The following NKAIN2 variants were observed in gnomAD, a reference collection of about 807,000 sequenced individuals.
NKAIN2 encodes the protein sodium/potassium transporting ATPase interacting 2, also known as sodium/potassium-transporting ATPase subunit beta-1-interacting protein 2.
In NKAIN2, 14 loss-of-function variants were observed where a neutral mutation model predicts 32.6. The observed-to-expected ratio is 0.43, with a 90% confidence interval of 0.28 to 0.67. The LOEUF (loss-of-function observed/expected upper bound fraction) is 0.67. Ranked by LOEUF, NKAIN2 falls within the 30% of genes least tolerant of loss-of-function variation. The pLI is 0.17. For missense variants in NKAIN2, 198 were observed against 258.3 expected (o/e 0.77, Z 1.60); for synonymous variants, 80 against 87.2 (o/e 0.92, Z 0.46).
intron 4 of NKAIN2, among the ~76,000 whole-genome samples, chr6:124,734,093 A>ACACACACACACACAC (rs1554258828): frequency 6.7e-6 from 1 of 149,640 alleles, no homozygotes; most frequent in Non-Finnish European, 1.5e-5. Context: ...ACACACACAC[A>ACACACACACACACAC]ATGATGGGGG....
intron 4 of NKAIN2, among the ~76,000 whole-genome samples, chr6:124,718,878 T>C (rs1434689306): frequency 6.6e-6 from 1 of 152,100 alleles, no homozygotes; most frequent in Non-Finnish European, 1.5e-5. Flanking sequence ...TCAATTTCAA[T>C]ATCTAAAAAA....
chr6:124,648,606 C>G (rs1331856412), intron 3 of NKAIN2, among the ~76,000 whole-genome samples: 2 of 152,040 alleles, frequency 1.3e-5, no homozygotes, highest in Non-Finnish European at 2.9e-5. Context: ...GCATCAAGTT[C>G]ATGGAGTGTG....
At chr6:123,926,473 T>A (rs1776009133) in intron 1 of NKAIN2, among the ~76,000 whole-genome samples, 1 of 151,764 alleles carries the variant, frequency 6.6e-6, no homozygotes, top group African/African-American at 2.4e-5. Context: ...CCCAGATTGC[T>A]GCTGCAGTGT....
At chr6:124,381,964 A>G (rs1333158226) in intron 3 of NKAIN2, among the ~76,000 whole-genome samples, 1 of 152,208 alleles carries the variant, frequency 6.6e-6, no homozygotes, top group Admixed American at 6.5e-5. Flanking sequence ...TTCCTGTCAC[A>G]TCAAACAAAT....
intron 5 of NKAIN2, among the ~76,000 whole-genome samples, chr6:124,800,559 G>C (rs1481190406): frequency 1.3e-5 from 2 of 152,176 alleles, no homozygotes; most frequent in East Asian, 3.8e-4. Context: ...TAATTAGGCT[G>C]AAGACAAAAA....
intron 1 of NKAIN2, among the ~76,000 whole-genome samples, chr6:124,023,337 G>T (rs935551157): frequency 6.6e-6 from 1 of 151,716 alleles, no homozygotes; most frequent in African/African-American, 2.4e-5. Flanking sequence ...CTCTTATCTG[G>T]CTCACTTTTT....
intron 3 of NKAIN2, among the ~76,000 whole-genome samples, chr6:124,535,116 AT>A (rs201959718): frequency 3.5e-4 from 53 of 151,660 alleles, no homozygotes; most frequent in African/African-American, 1.2e-3. Context: ...ATGCAACCAT[AT>A]TTTTTTTTCT....
rs1773119947 is a variant in NKAIN2 at position 124,391,013 on chromosome 6, C to T, written c.273+35666C>T. On this transcript the variant is annotated intron_variant, in intron 3 of 6. Coordinates refer to ENST00000368417, the MANE Select transcript of NKAIN2 (RefSeq NM_001040214.3). ...TTTGGACATTTTTTATGGGAAAGTT[C>T]TTTGTAAGTAATACAATATCTTTGA... The T allele has an allele frequency of 2.0e-5, 3 of 152,104 alleles. No homozygotes were observed. The South Asian group carries it at 6.2e-4, about 32-fold the overall frequency. The allele number at this position is 152,104 out of a possible 1,614,324, so 9.4% of individuals were successfully genotyped here.
chr6:124,719,443 G>A (rs140859706), intron 4 of NKAIN2, among the ~76,000 whole-genome samples: 2,377 of 152,192 alleles, frequency 0.016, 31 homozygotes, highest in Middle Eastern at 0.034. Context: ...ACTTCTTCCT[G>A]AATTGTGCCT....
intron 1 of NKAIN2, among the ~76,000 whole-genome samples, chr6:124,102,937 C>T (rs543633068): frequency 2.6e-5 from 4 of 151,792 alleles, no homozygotes; most frequent in Non-Finnish European, 5.9e-5. Flanking sequence ...TTTGATCGAT[C>T]GATTATCTGC....
chr6:124,136,482 A>G (rs1190487589), intron 1 of NKAIN2, among the ~76,000 whole-genome samples: 1 of 152,134 alleles, frequency 6.6e-6, no homozygotes, highest in Non-Finnish European at 1.5e-5. Flanking sequence ...TGGGGATAGA[A>G]GAAATCCTCC....
intron 3 of NKAIN2, among the ~76,000 whole-genome samples, chr6:124,506,234 G>A (rs963700414): frequency 6.6e-6 from 1 of 152,022 alleles, no homozygotes; most frequent in African/African-American, 2.4e-5. Flanking sequence ...GGTATAAAAC[G>A]GAACCTTTCA....
chr6:123,926,471 G>GCCCA (rs1776009008), intron 1 of NKAIN2, among the ~76,000 whole-genome samples: 12 of 147,566 alleles, frequency 8.1e-5, no homozygotes, highest in Admixed American at 6.0e-4. Flanking sequence ...TCCCCAGATT[G>GCCCA]CTGCTGCAGT....
chr6:124,009,381 A>T (rs1024919857), intron 1 of NKAIN2, among the ~76,000 whole-genome samples: 3 of 152,208 alleles, frequency 2.0e-5, no homozygotes, highest in African/African-American at 7.2e-5. Context: ...TAGAGCTATC[A>T]TTGTATTCTA....
intron 3 of NKAIN2, among the ~76,000 whole-genome samples, chr6:124,585,995 C>T: frequency 6.6e-6 from 1 of 152,130 alleles, no homozygotes; most frequent in East Asian, 1.9e-4. Flanking sequence ...TTAGGTTTTA[C>T]ATTTAAGTCT....
At chr6:124,298,726 G>A (rs548569326) in intron 2 of NKAIN2, among the ~76,000 whole-genome samples, 1 of 152,086 alleles carries the variant, frequency 6.6e-6, no homozygotes, top group African/African-American at 2.4e-5. Context: ...AGCAGATAAT[G>A]CATGAATTGG....
At chr6:124,346,134 T>A (rs953946384) in intron 2 of NKAIN2, among the ~76,000 whole-genome samples, 1 of 152,204 alleles carries the variant, frequency 6.6e-6, no homozygotes, top group Non-Finnish European at 1.5e-5. Flanking sequence ...TTCCATGTAG[T>A]TGAGCAGTTT....
At chr6:124,071,752 A>G (rs976005314) in intron 1 of NKAIN2, among the ~76,000 whole-genome samples, 1 of 152,186 alleles carries the variant, frequency 6.6e-6, no homozygotes, top group African/African-American at 2.4e-5. Context: ...CATTAGAGAA[A>G]TATTGATCAA....
chr6:124,232,523 GAAGT>G (rs1490784776), intron 1 of NKAIN2, among the ~76,000 whole-genome samples: 1 of 152,152 alleles, frequency 6.6e-6, no homozygotes, highest in African/African-American at 2.4e-5. Context: ...TGTACTGAAA[GAAGT>G]GAGTAGATCC....
Sources: gnomAD v4.1 joint callset for allele counts (sites outside exome capture counted in the v4.1 genomes callset) on GRCh38, gnomAD v4.1.1 for gene constraint, MANE v1.5 for transcripts, NCBI Gene and HGNC (gene_info 2026-07-23, HGNC 2026-07-21) for gene names.